The following CACNA2D4 variants were observed in gnomAD, a reference collection of about 807,000 sequenced individuals.
CACNA2D4 encodes the protein voltage-dependent calcium channel subunit alpha-2/delta-4.
A neutral mutation model predicts 163.8 loss-of-function variants in CACNA2D4; 157 were observed. The observed-to-expected ratio is 0.96, with a 90% CI of 0.84 to 1.09. The LOEUF (loss-of-function observed/expected upper bound fraction) is 1.09, where lower values mean the gene tolerates loss of function less well. Ranked by LOEUF, CACNA2D4 falls within the 50% of genes least tolerant of loss-of-function variation. CACNA2D4 has a pLI of 0.00. For synonymous variants in CACNA2D4, 598 were observed against 586.9 expected, an observed-to-expected ratio of 1.02 and a Z score of -0.27; for missense variants, 1,410 against 1,479.9, an observed-to-expected ratio of 0.95 and a Z score of 0.78.
chr12:1,811,783 A>G (rs2154445871), intron 26 of CACNA2D4, 60 bp from the exon 27 acceptor site: 4 of 1,506,594 alleles, frequency 2.7e-6, no homozygotes, highest in Middle Eastern at 1.7e-4. Flanking sequence ...AAAAAAATAG[A>G]GTCAAGTTAA....
rs181078144 is a variant in CACNA2D4 at position 1,882,577 on chromosome 12, G to A, written c.1485+290C>T. The stretch of plus-strand genomic sequence containing the variant: ...TGATGAGGGAGGCGAGGACTGTGGA[G>A]GAGGAGGAAGGAACAACTTCGGAGC... On this transcript the variant is annotated intron_variant, in intron 13 of 37. Coordinates refer to ENST00000382722, the MANE Select transcript of CACNA2D4 (RefSeq NM_172364.5). Among the ~76,000 whole-genome samples the A allele has an allele frequency of 5.9e-5, 9 of 152,314 alleles. No individual in the cohort carries two copies. The East Asian group carries it at 1.7e-3, about 29-fold the overall frequency.
chr12:1,884,880 A>T lies in CACNA2D4; in HGVS notation c.1160T>A (p.Phe387Tyr). 1 of 1,613,100 alleles carries T rather than the reference A, an allele frequency of 6.2e-7. No individual in the cohort carries two copies. ...GAGGCTTCCTTGCTTGGCCTCTTGG[A>T]ACTGTGTAGGGAAGAGGAGTGCCCA... ...LREAFQILKQ[F>Y]QEAKQGSLCN... The change falls in exon 11 of 38, where the codon TTC becomes TAC. Residue 387 changes from phenylalanine (F) to tyrosine (Y), a missense_variant and splice_region_variant. By Grantham distance (22) the Phe-to-Tyr change is conservative (BLOSUM62 3). Transcript: ENST00000382722.
chr12:1,861,170 C>T (rs1865517321), intron 18 of CACNA2D4, among the ~76,000 whole-genome samples: 1 of 152,206 alleles, frequency 6.6e-6, no homozygotes, highest in African/African-American at 2.4e-5. Flanking sequence ...AGCGAGGTGT[C>T]AGAAGGGACA....
intron 3 of CACNA2D4, 80 bp from the exon 4 acceptor site, chr12:1,910,045 G>T: frequency 8.4e-7 from 1 of 1,189,628 alleles, no homozygotes; most frequent in Non-Finnish European, 1.2e-6. Flanking sequence ...CAGTTGCCGG[G>T]TGACCCAGCA....
In CACNA2D4 at chr12:1,883,801, A is replaced by G. The variant is rs1476823895; in HGVS notation, c.1351+442T>C. ...CTTGTATGTCTCCCTGCTGGACAATACTGAGAGGTAGACCGACCCTGAGTC... is the reference window on the plus strand; with the variant it reads ...CTTGTATGTCTCCCTGCTGGACAATGCTGAGAGGTAGACCGACCCTGAGTC... On this transcript the variant is annotated intron_variant, in intron 12 of 37. Transcript: ENST00000382722. The surrounding 1 kb of genome is among the most constrained non-coding windows in gnomAD (Gnocchi z 4.5). Among the ~76,000 whole-genome samples, 1 of 152,118 alleles carries G rather than the reference A, an allele frequency of 6.6e-6. No individual in the cohort carries two copies. The highest frequency in any genetic ancestry group is 1.5e-5 in the Non-Finnish European group (1 of 68,026).
At chr12:1,795,952 CCTA>C (rs1258320723) in intron 35 of CACNA2D4, 172 bp from the exon 36 acceptor site, 1 of 609,890 alleles carries the variant, frequency 1.6e-6, no homozygotes, top group East Asian at 2.8e-5. Context: ...ATGGCTCAGT[CCTA>C]CTGGCTTTGC....
chr12:1,864,459 A>T (rs1463076046), intron 18 of CACNA2D4, among the ~76,000 whole-genome samples: 1 of 152,278 alleles, frequency 6.6e-6, no homozygotes, highest in Non-Finnish European at 1.5e-5. Context: ...CTGCAAGATG[A>T]ACATCCCATT....
chr12:1,822,605 A>C (rs1864150809), intron 26 of CACNA2D4, among the ~76,000 whole-genome samples: 1 of 152,174 alleles, frequency 6.6e-6, no homozygotes, highest in South Asian at 2.1e-4. Context: ...TGAGATTGAG[A>C]ATATTTGACA....
At chr12:1,861,657 G>T (rs1865527596) in intron 18 of CACNA2D4, among the ~76,000 whole-genome samples, 2 of 152,030 alleles carry the variant, frequency 1.3e-5, no homozygotes, top group African/African-American at 2.4e-5. Flanking sequence ...TGGCCAGGAT[G>T]ATCTCAAACT....
At position 1,795,722 on chromosome 12, in the gene CACNA2D4, T is replaced by TG. The variant is rs747043935; in HGVS notation, c.3171dup (p.Thr1058HisfsTer3). On this transcript the variant is annotated frameshift_variant, in exon 36 of 38. Transcript: ENST00000382722. LOFTEE classifies it high-confidence loss of function. ...GGTGGGAAGATGCTGCAGTCACAGG[T>TG]GGGGTCTGTCACCAGGAGGAGGAGG... 4 of 1,612,992 alleles carry TG rather than the reference T, an allele frequency of 2.5e-6. No homozygotes were observed. In the African/African-American group the frequency reaches 5.4e-5, roughly 22 times the overall value.
At chr12:1,811,831 C>T in intron 26 of CACNA2D4, 108 bp from the exon 27 acceptor site, 2 of 1,117,290 alleles carry the variant, frequency 1.8e-6, no homozygotes, top group Non-Finnish European at 2.6e-6. Context: ...AGGAGAGAGA[C>T]CGCAGCGGAT....
rs1465184502 is a variant in CACNA2D4, at chr12:1,883,426, T to C, written c.1352-426A>G. Among the ~76,000 whole-genome samples the C allele has an allele frequency of 3.3e-5, 5 of 152,154 alleles. No homozygotes were observed. Among genetic ancestry groups the C allele is most frequent in the Non-Finnish European group, 7.4e-5 (5 of 68,016 alleles). ...GAGGCAGAGATTTCTGCCTCTCCGC[T>C]CCTCCTTCCTCTGGTCCTTGTTCTT... is the stretch of plus-strand genomic sequence containing the variant. On this transcript the variant is annotated intron_variant, in intron 12 of 37. Transcript: ENST00000382722. This position sits in a 1 kb window ranked among gnomAD's most constrained non-coding sequence, Gnocchi z 4.5.
At chr12:1,846,532 TG>T in intron 24 of CACNA2D4, 61 bp downstream of exon 24, 1 of 1,363,108 alleles carries the variant, frequency 7.3e-7, no homozygotes, top group Non-Finnish European at 1.0e-6. Flanking sequence ...GAACACACCA[TG>T]GGACTCTGGC....
chr12:1,797,614 A>G, intron 34 of CACNA2D4, 79 bp from the exon 35 acceptor site: 7 of 1,041,760 alleles, frequency 6.7e-6, no homozygotes, highest in Non-Finnish European at 1.0e-5. Context: ...TCCCAGGGCC[A>G]GAGTTCACCC....
rs1384210130 is a variant in CACNA2D4, at chr12:1,829,146, C to T, written c.2551+11593G>A. On this transcript the variant is annotated intron_variant, in intron 26 of 37. Coordinates refer to ENST00000382722, the MANE Select transcript of CACNA2D4 (RefSeq NM_172364.5). This position sits in a 1 kb window ranked among gnomAD's most constrained non-coding sequence, Gnocchi z 4.2. ...TTTTCTTGTCACTGGAGCTTTTATG[C>T]CACCTTGATCTCCAGGGAGGTGGGG... 6.6e-6 allele frequency among the ~76,000 whole-genome samples: 1 copy of T among 152,156 alleles called. No homozygotes were observed. The highest frequency in any genetic ancestry group is 6.5e-5 in the Admixed American group (1 of 15,276).
rs1866870923 is a variant in CACNA2D4, at chr12:1,913,020, T to C, written c.426+3A>G. ...CGCCCTGCAGATCACAGGCCTGGAG[T>C]ACCTGGACCGCCTCGACTTTCCTCC... On this transcript the variant is annotated splice_donor_region_variant and intron_variant, in intron 3 of 37. Transcript: ENST00000382722. 6.3e-7 allele frequency: 1 copy of C among 1,599,550 alleles called. No homozygotes were observed. Among genetic ancestry groups the C allele is most frequent in the African/African-American group, 1.3e-5 (1 of 74,508 alleles).
intron 6 of CACNA2D4, among the ~76,000 whole-genome samples, chr12:1,888,316 C>T (rs961925700): frequency 4.6e-5 from 7 of 152,124 alleles, no homozygotes; most frequent in East Asian, 1.9e-4. Context: ...CAAGTCCAAG[C>T]GGAAACAGAA....
chr12:1,797,599 G>T lies in CACNA2D4; in HGVS notation c.2996-64C>A, dbSNP rs569427504. 2.1e-5 allele frequency: 25 copies of T among 1,195,912 alleles called. No homozygotes were observed. In the African/African-American group the frequency reaches 3.2e-4, roughly 15 times the overall value. The allele number at this position is 1,195,912 out of a possible 1,614,324, so 74.1% of individuals were successfully genotyped here. A position where few individuals can be genotyped will look rare whatever the true frequency, so the allele number is the denominator to read the frequency against. On this transcript the variant is annotated intron_variant, in intron 34 of 37. Coordinates refer to ENST00000382722, the MANE Select transcript of CACNA2D4 (RefSeq NM_172364.5). Reference sequence around the variant, plus strand: ...CTCTGGCCTGCGGTGACCTCGCCTCGGCACTCCCAGGGCCAGAGTTCACCC... The same window carrying T: ...CTCTGGCCTGCGGTGACCTCGCCTCTGCACTCCCAGGGCCAGAGTTCACCC...
At chr12:1,796,071 G>A (rs373937016) in intron 35 of CACNA2D4, 2 of 359,744 alleles carry the variant, frequency 5.6e-6, no homozygotes, top group East Asian at 1.1e-4. Context: ...AATATATGCA[G>A]GGACGACAGG....
Sources: gnomAD v4.1 joint callset for allele counts (sites outside exome capture counted in the v4.1 genomes callset) on GRCh38, gnomAD v4.1.1 for gene constraint, Gnocchi (gnomAD v3.1) non-coding constraint, MANE v1.5 for transcripts, NCBI Gene and HGNC (gene_info 2026-07-23, HGNC 2026-07-21) for gene names.